MAGI2: variants seen among roughly 807,000 people sequenced by gnomAD.
MAGI2 encodes membrane associated guanylate kinase, WW and PDZ domain containing 2, also known as membrane-associated guanylate kinase, WW and PDZ domain-containing protein 2.
A neutral mutation model predicts 133.3 loss-of-function variants in MAGI2; 35 were observed. The observed-to-expected ratio is 0.26, with a 90% CI of 0.20 to 0.35. The LOEUF (loss-of-function observed/expected upper bound fraction) is 0.35, where lower values mean the gene tolerates loss of function less well. Among genes scored for constraint, MAGI2 ranks in the 10% least tolerant of loss-of-function variants. The pLI, the probability that MAGI2 is intolerant of heterozygous loss-of-function variation, is 1.00. For missense variants in MAGI2, 1,636 were observed against 1,863.4 expected, an observed-to-expected ratio of 0.88 and a Z score of 2.25; for synonymous variants, 729 against 710.6, an observed-to-expected ratio of 1.03 and a Z score of -0.41.
chr7:78,962,909 T>A (rs934870110), intron 2 of MAGI2, among the ~76,000 whole-genome samples: 1 of 152,022 alleles, frequency 6.6e-6, no homozygotes, highest in African/African-American at 2.4e-5. Flanking sequence ...AGAAAAAAAA[T>A]TACCTGCACA....
chr7:79,323,697 T>C (rs1229757337), intron 1 of MAGI2, among the ~76,000 whole-genome samples: 1 of 151,720 alleles, frequency 6.6e-6, no homozygotes, highest in Non-Finnish European at 1.5e-5. Context: ...TAAGCTAGGG[T>C]AGGAAAAAGG....
intron 3 of MAGI2, among the ~76,000 whole-genome samples, chr7:78,574,679 C>T (rs1315088727): frequency 1.3e-5 from 2 of 152,092 alleles, no homozygotes; most frequent in African/African-American, 4.8e-5. Flanking sequence ...AAGTAGAAAG[C>T]GTTCTAGTCC....
At chr7:79,286,677 G>C (rs1306176391) in intron 1 of MAGI2, among the ~76,000 whole-genome samples, 1 of 151,994 alleles carries the variant, frequency 6.6e-6, no homozygotes, top group Non-Finnish European at 1.5e-5. Flanking sequence ...CTGAACCTTT[G>C]TTGAGGGCTA....
At chr7:78,568,909 C>A (rs1801217872) in intron 3 of MAGI2, among the ~76,000 whole-genome samples, 1 of 152,174 alleles carries the variant, frequency 6.6e-6, no homozygotes. Context: ...CTCCAGGCAG[C>A]CTGACTTCCT....
chr7:78,269,778 C>T (rs952157385), intron 9 of MAGI2, among the ~76,000 whole-genome samples: 1 of 152,166 alleles, frequency 6.6e-6, no homozygotes, highest in Admixed American at 6.5e-5. Flanking sequence ...AATTAGATCC[C>T]ATTTGTCAAT....
Position 78,745,421 on chromosome 7 carries a change from A to G in MAGI2, c.419-118182T>C, listed in dbSNP as rs149664287. Among the ~76,000 whole-genome samples, 315 of 152,092 alleles carry G rather than the reference A, an allele frequency of 2.1e-3. 2 individuals carry two copies. The highest frequency in any genetic ancestry group is 7.1e-3 in the African/African-American group (295 of 41,512). On this transcript the variant is annotated intron_variant, in intron 2 of 21. Coordinates refer to ENST00000354212, the MANE Select transcript of MAGI2 (RefSeq NM_012301.4). ...AGGCAAGCTTTCTGTTCCCAACTCT[A>G]CTATCCTGATTTGCATCATAGCTAC... is the stretch of plus-strand genomic sequence containing the variant.
chr7:78,586,573 A>G lies in MAGI2; in HGVS notation c.538+40547T>C, dbSNP rs555309911. 1.3e-4 allele frequency among the ~76,000 whole-genome samples: 20 copies of G among 152,292 alleles called. No homozygotes were observed. In the South Asian group the frequency reaches 4.1e-3, roughly 32 times the overall value. On this transcript the variant is annotated intron_variant, in intron 3 of 21. Coordinates refer to ENST00000354212, the MANE Select transcript of MAGI2 (RefSeq NM_012301.4). ...ACTTCCACCTTTTTTTCAGATGATA[A>G]AATATGCATAACAAAGAATTTGCCA...
chr7:78,706,178 T>A (rs1247110389), intron 2 of MAGI2, among the ~76,000 whole-genome samples: 3 of 152,216 alleles, frequency 2.0e-5, no homozygotes, highest in African/African-American at 7.2e-5. Context: ...TAATTGTATC[T>A]CCCAGAATTC....
chr7:78,274,050 G>T (rs1352480730), intron 9 of MAGI2, among the ~76,000 whole-genome samples: 3 of 152,116 alleles, frequency 2.0e-5, no homozygotes, highest in Non-Finnish European at 4.4e-5. Flanking sequence ...TTTTTGCACT[G>T]GTTTCTCCCC....
At chr7:78,622,262 T>A (rs1362141883) in intron 3 of MAGI2, among the ~76,000 whole-genome samples, 1 of 151,994 alleles carries the variant, frequency 6.6e-6, no homozygotes, top group Non-Finnish European at 1.5e-5. Context: ...TCTGTAATCT[T>A]AAGGCTGAGA....
intron 3 of MAGI2, among the ~76,000 whole-genome samples, chr7:78,612,903 C>G (rs1806629315): frequency 6.6e-6 from 1 of 152,070 alleles, no homozygotes; most frequent in East Asian, 1.9e-4. Flanking sequence ...ATCTCCTGAC[C>G]TCGTGATCCG....
chr7:78,659,819 A>G (rs368764260), intron 2 of MAGI2, among the ~76,000 whole-genome samples: 1 of 152,180 alleles, frequency 6.6e-6, no homozygotes, highest in African/African-American at 2.4e-5. Context: ...ATCCCTCTGT[A>G]TGATGTCATA....
rs71095400 is a variant in MAGI2, at chr7:79,368,847, CAAAAAAAAAAAAAAAAAAA to C, written c.301+84154_301+84172del. On this transcript the variant is annotated intron_variant, in intron 1 of 21. Coordinates refer to ENST00000354212, the MANE Select transcript of MAGI2 (RefSeq NM_012301.4). ...TGGGCGACAGAGCGAGACTCCGTCTCAAAAAAAAAAAAAAAAAAAAAAAAAAAAAGTCTATTGTAAAATC... is the reference window on the plus strand; with the variant it reads ...TGGGCGACAGAGCGAGACTCCGTCTCAAAAAAAAAAGTCTATTGTAAAATC... 1.1e-4 allele frequency among the ~76,000 whole-genome samples: 8 copies of C among 75,354 alleles called. No homozygotes were observed. The South Asian group carries it at 1.7e-3, about 16-fold the overall frequency. 49.4% of individuals were successfully genotyped at this position (75,354 alleles called of 152,430 possible). A position where few individuals can be genotyped will look rare whatever the true frequency, so the allele number is the denominator to read the frequency against.
At chr7:78,427,208 A>G (rs1799363176) in intron 6 of MAGI2, among the ~76,000 whole-genome samples, 1 of 152,160 alleles carries the variant, frequency 6.6e-6, no homozygotes, top group Admixed American at 6.5e-5. Context: ...GCAAATAGGA[A>G]GAATAACAAA....
intron 9 of MAGI2, among the ~76,000 whole-genome samples, chr7:78,258,655 GA>G (rs1793234592): frequency 6.6e-6 from 1 of 151,882 alleles, no homozygotes; most frequent in South Asian, 2.1e-4. Flanking sequence ...ATAATCCCTG[GA>G]AAGTATTTTA....
At chr7:78,373,013 G>A (rs1409083435) in intron 6 of MAGI2, among the ~76,000 whole-genome samples, 1 of 151,874 alleles carries the variant, frequency 6.6e-6, no homozygotes, top group Non-Finnish European at 1.5e-5. Flanking sequence ...TTAACAGTCG[G>A]GGTTCCGTTG....
intron 9 of MAGI2, among the ~76,000 whole-genome samples, chr7:78,338,667 G>A (rs1790027793): frequency 1.3e-5 from 2 of 152,172 alleles, no homozygotes; most frequent in South Asian, 2.1e-4. Flanking sequence ...GTGGGATGTT[G>A]CAGAAATGTG....
chr7:78,189,520 T>G (rs1220856802), intron 12 of MAGI2, among the ~76,000 whole-genome samples: 2 of 152,210 alleles, frequency 1.3e-5, no homozygotes, highest in Admixed American at 1.3e-4. Context: ...GACATTTTTA[T>G]GATTCTACAT....
intron 4 of MAGI2, among the ~76,000 whole-genome samples, chr7:78,514,586 G>A (rs1461944865): frequency 6.6e-6 from 1 of 152,162 alleles, no homozygotes; most frequent in Non-Finnish European, 1.5e-5. Flanking sequence ...AAATATCTGG[G>A]TAGATACACA....
Sources: allele counts gnomAD v4.1 joint callset (sites outside exome capture counted in the v4.1 genomes callset), GRCh38; gene constraint gnomAD v4.1.1; transcripts MANE v1.5; gene names NCBI Gene and HGNC (gene_info 2026-07-23, HGNC 2026-07-21).